Variants in ESRRG observed in about 807,000 individuals in gnomAD.
ESRRG encodes estrogen-related receptor gamma.
ESRRG carries 13 observed loss-of-function variants against 44.0 expected under a neutral mutation model. The ratio of observed to expected loss-of-function variants is 0.30; its 90% CI spans 0.19 to 0.47. ESRRG has a LOEUF of 0.47. Ranked by LOEUF, ESRRG falls within the 20% of genes least tolerant of loss-of-function variation. The pLI is 1.00. For synonymous variants in ESRRG, 215 were observed against 214.6 expected (o/e 1.00, Z -0.02); for missense variants, 395 against 580.6 (o/e 0.68, Z 3.29).
intron 3 of ESRRG, among the ~76,000 whole-genome samples, chr1:216,605,926 C>A (rs367899694): frequency 5.3e-5 from 8 of 149,558 alleles, no homozygotes; most frequent in African/African-American, 1.5e-4. Flanking sequence ...TCTTTTTTAA[C>A]AACAAGAAAG....
intron 1 of ESRRG, among the ~76,000 whole-genome samples, chr1:216,684,416 A>G (rs11572686): frequency 1.3e-5 from 2 of 152,196 alleles, no homozygotes; most frequent in Admixed American, 1.3e-4. Context: ...TCTTGGACCT[A>G]TTTCAATCTG....
chr1:216,528,053 A>G (rs189709022), intron 5 of ESRRG, among the ~76,000 whole-genome samples: 33 of 151,992 alleles, frequency 2.2e-4, no homozygotes, highest in Non-Finnish European at 3.5e-4. Flanking sequence ...GAATGAATAG[A>G]GAATTCCTCA....
At chr1:217,099,837 T>TA (rs2151565273) in intron 1 of ESRRG, among the ~76,000 whole-genome samples, 1 of 152,246 alleles carries the variant, frequency 6.6e-6, no homozygotes, top group African/African-American at 2.4e-5. Context: ...AATTCAAACA[T>TA]AAGCAGGGGT....
At chr1:217,109,879 T>A (rs1041982442) in intron 1 of ESRRG, among the ~76,000 whole-genome samples, 5 of 152,218 alleles carry the variant, frequency 3.3e-5, no homozygotes, top group Admixed American at 1.3e-4. Flanking sequence ...TGTTAGTGAA[T>A]TCTAAAAGGT....
intron 1 of ESRRG, among the ~76,000 whole-genome samples, chr1:217,047,020 G>T (rs1039813280): frequency 1.6e-4 from 24 of 152,120 alleles, no homozygotes; most frequent in Non-Finnish European, 3.2e-4. Context: ...TACTCAAAAA[G>T]GGAGGCAGCA....
chr1:216,646,827 G>A (rs797003079), intron 3 of ESRRG, among the ~76,000 whole-genome samples: 19 of 152,230 alleles, frequency 1.2e-4, no homozygotes, highest in African/African-American at 4.3e-4. Context: ...AAGTTGCCTT[G>A]TTTCACCTAC....
At chr1:217,107,117 G>A (rs2092606746) in intron 1 of ESRRG, among the ~76,000 whole-genome samples, 1 of 152,174 alleles carries the variant, frequency 6.6e-6, no homozygotes, top group Non-Finnish European at 1.5e-5. Context: ...AATATCCTCT[G>A]ACTGATATTA....
Position 216,753,210 on chromosome 1 carries a change from C to T in ESRRG, c.-13-75719G>A, listed in dbSNP as rs191255129. Reference sequence around the variant, plus strand: ...CACACACACACAGAGTAGTACCTGTCATTAGAACTTCCTACGCATACATAA... The same window carrying T: ...CACACACACACAGAGTAGTACCTGTTATTAGAACTTCCTACGCATACATAA... On this transcript the variant is annotated intron_variant, in intron 2 of 7. Transcript: ENST00000359162. Among the ~76,000 whole-genome samples, 847 of 103,922 alleles carry T rather than the reference C, an allele frequency of 8.2e-3. 26 individuals carry two copies. In the East Asian group the frequency reaches 0.099, roughly 12 times the overall value. The allele number at this position is 103,922 out of a possible 152,430, so 68.2% of individuals were successfully genotyped here.
intron 1 of ESRRG, among the ~76,000 whole-genome samples, chr1:217,112,937 T>C (rs1456719002): frequency 6.6e-6 from 1 of 152,194 alleles, no homozygotes; most frequent in African/African-American, 2.4e-5. Flanking sequence ...GAGCCTCATA[T>C]AGGACTCAAG....
intron 2 of ESRRG, among the ~76,000 whole-genome samples, chr1:216,849,915 G>A (rs569030529): frequency 6.6e-6 from 1 of 152,204 alleles, no homozygotes; most frequent in Non-Finnish European, 1.5e-5. Flanking sequence ...ATCTTCTTCA[G>A]CAGAAAGAAG....
intron 3 of ESRRG, among the ~76,000 whole-genome samples, chr1:216,603,466 A>G (rs894557898): frequency 9.8e-5 from 15 of 152,362 alleles, no homozygotes; most frequent in Admixed American, 7.8e-4. Flanking sequence ...CCAGAAAAAA[A>G]GACACTATTG....
At chr1:216,713,740 A>G (rs953802874) in intron 1 of ESRRG, among the ~76,000 whole-genome samples, 2 of 152,214 alleles carry the variant, frequency 1.3e-5, no homozygotes, top group African/African-American at 4.8e-5. Context: ...AGCACACTCA[A>G]AAGCACCCCT....
intron 2 of ESRRG, among the ~76,000 whole-genome samples, chr1:216,670,365 T>C (rs1467712165): frequency 2.0e-5 from 3 of 152,246 alleles, no homozygotes; most frequent in South Asian, 2.1e-4. Context: ...CTTTAGCATA[T>C]GGCTTGCAGG....
intron 1 of ESRRG, among the ~76,000 whole-genome samples, chr1:217,021,496 T>C (rs892427159): frequency 5.9e-5 from 9 of 152,184 alleles, no homozygotes; most frequent in South Asian, 2.1e-4. Context: ...AGATATAAAA[T>C]GCAGGAGATT....
At chr1:216,665,544 G>A (rs1462812183) in intron 2 of ESRRG, among the ~76,000 whole-genome samples, 1 of 152,090 alleles carries the variant, frequency 6.6e-6, no homozygotes, top group Non-Finnish European at 1.5e-5. Flanking sequence ...CTGGGGGTAG[G>A]GAGAAATGAG....
intron 2 of ESRRG, among the ~76,000 whole-genome samples, chr1:216,925,105 C>T (rs2062357081): frequency 6.6e-6 from 1 of 152,116 alleles, no homozygotes; most frequent in African/African-American, 2.4e-5. Context: ...GGTTTGGGGA[C>T]TTAAACAGGA....
intron 2 of ESRRG, among the ~76,000 whole-genome samples, chr1:216,731,420 G>T (rs373318600): frequency 7.2e-5 from 11 of 152,158 alleles, no homozygotes; most frequent in Non-Finnish European, 1.3e-4. Flanking sequence ...CTTTTAGGCC[G>T]CTGTTTACCT....
intron 2 of ESRRG, among the ~76,000 whole-genome samples, chr1:216,785,411 C>A (rs1443281164): frequency 2.0e-5 from 3 of 151,972 alleles, no homozygotes; most frequent in African/African-American, 7.2e-5. Context: ...TCAAGCACTG[C>A]GAGGTAAGCC....
chr1:216,589,388 T>C (rs1310852424), intron 3 of ESRRG, among the ~76,000 whole-genome samples: 2 of 152,142 alleles, frequency 1.3e-5, no homozygotes, highest in Non-Finnish European at 2.9e-5. Flanking sequence ...CTTTTTTAGC[T>C]CATTAGCTAT....
Sources: allele counts gnomAD v4.1 joint callset (sites outside exome capture counted in the v4.1 genomes callset), GRCh38; gene constraint gnomAD v4.1.1; transcripts MANE v1.5; gene names NCBI Gene and HGNC (gene_info 2026-07-23, HGNC 2026-07-21).